The following CTNND2 variants were observed in gnomAD, a reference collection of about 807,000 sequenced individuals.
CTNND2 encodes catenin delta 2, also known as catenin delta-2.
Under a neutral mutation model 144.4 loss-of-function variants are expected in CTNND2, and 22 were observed. The ratio of observed to expected loss-of-function variants is 0.15; its 90% CI spans 0.11 to 0.22. The LOEUF is 0.22. CTNND2 is among the 10% of genes least tolerant of loss of function. The probability of loss-of-function intolerance (pLI) is 1.00; values close to 1 mark genes in which losing one functional copy is unlikely to be tolerated. For missense variants in CTNND2, 1,353 were observed against 1,618.8 expected (o/e 0.84, Z 2.82); for synonymous variants, 751 against 695.6 (o/e 1.08, Z -1.25).
At chr5:11,401,265 T>A (rs539414498) in intron 5 of CTNND2, among the ~76,000 whole-genome samples, 1 of 152,370 alleles carries the variant, frequency 6.6e-6, no homozygotes, top group East Asian at 1.9e-4. Context: ...TTTCCATGAT[T>A]ATGTGCACTT....
intron 2 of CTNND2, among the ~76,000 whole-genome samples, chr5:11,706,282 A>T (rs971932295): frequency 3.3e-5 from 5 of 152,200 alleles, no homozygotes; most frequent in Non-Finnish European, 7.4e-5. Context: ...GTGCTTTTTT[A>T]GGCCAAAGAC....
chr5:11,169,943 C>T (rs1284381380), intron 11 of CTNND2, among the ~76,000 whole-genome samples: 1 of 152,112 alleles, frequency 6.6e-6, no homozygotes, highest in Non-Finnish European at 1.5e-5. Flanking sequence ...AACAAGACCA[C>T]ATTGAAAAAA....
At position 11,581,959 on chromosome 5, in the gene CTNND2, G is replaced by A. The variant is rs143186039; in HGVS notation, c.175-16903C>T. 1.4e-4 allele frequency among the ~76,000 whole-genome samples: 21 copies of A among 152,252 alleles called. No homozygotes were observed. In the East Asian group the frequency reaches 3.7e-3, roughly 27 times the overall value. On this transcript the variant is annotated intron_variant, in intron 2 of 21. Transcript: ENST00000304623. ...CACAAATGTTAGTACAGTAGTATTT[G>A]TATCATGTATAAATAAATGAGCATA...
chr5:11,623,804 G>GTA (rs1229697322), intron 2 of CTNND2, among the ~76,000 whole-genome samples: 2 of 30,638 alleles, frequency 6.5e-5, no homozygotes, highest in Non-Finnish European at 1.2e-4. Context: ...ATATATGTGT[G>GTA]TATGTATATA....
At chr5:11,834,980 A>T (rs1056082331) in intron 1 of CTNND2, among the ~76,000 whole-genome samples, 7 of 151,412 alleles carry the variant, frequency 4.6e-5, no homozygotes, top group Non-Finnish European at 8.8e-5. Flanking sequence ...CTCTACAAAA[A>T]ATACAAAAAT....
At chr5:11,591,454 C>A (rs1779235972) in intron 2 of CTNND2, among the ~76,000 whole-genome samples, 1 of 152,112 alleles carries the variant, frequency 6.6e-6, no homozygotes, top group South Asian at 2.1e-4. Flanking sequence ...CTTTTTTTCT[C>A]TCTTCTGCTT....
chr5:11,345,500 A>G (rs1754680521), intron 9 of CTNND2, among the ~76,000 whole-genome samples: 1 of 152,176 alleles, frequency 6.6e-6, no homozygotes. Context: ...CCAACCCCTC[A>G]ATACAGTACA....
intron 3 of CTNND2, among the ~76,000 whole-genome samples, chr5:11,416,419 C>T (rs1761941670): frequency 6.6e-6 from 1 of 152,166 alleles, no homozygotes; most frequent in Admixed American, 6.5e-5. Context: ...ATTTCTTTGG[C>T]ACAGTTAAAA....
chr5:11,144,558 G>A (rs1460022502), intron 12 of CTNND2, among the ~76,000 whole-genome samples: 1 of 152,160 alleles, frequency 6.6e-6, no homozygotes, highest in East Asian at 1.9e-4. Flanking sequence ...AAGGGTTACT[G>A]TGACCACCAG....
chr5:11,411,686 A>T (rs374077301), intron 4 of CTNND2, 34 bp from the exon 5 acceptor site: 1 of 1,225,390 alleles, frequency 8.2e-7, no homozygotes, highest in Non-Finnish European at 1.2e-6. Context: ...ATGAACAAAC[A>T]CATGGTATAT....
At chr5:11,199,800 A>G (rs563231905) in intron 10 of CTNND2, 139 bp from the exon 11 acceptor site, 1 of 634,174 alleles carries the variant, frequency 1.6e-6, no homozygotes, top group African/African-American at 1.8e-5. Flanking sequence ...GAAACAAGAA[A>G]AAAATAAGTG....
At chr5:11,796,218 T>A (rs949031934) in intron 1 of CTNND2, among the ~76,000 whole-genome samples, 2 of 152,206 alleles carry the variant, frequency 1.3e-5, no homozygotes, top group African/African-American at 4.8e-5. Flanking sequence ...GCATCTGCCA[T>A]GCTAACCCCC....
At chr5:11,813,059 C>T (rs1398056880) in intron 1 of CTNND2, among the ~76,000 whole-genome samples, 2 of 152,180 alleles carry the variant, frequency 1.3e-5, no homozygotes, top group African/African-American at 2.4e-5. Context: ...AAGGACATTT[C>T]AGTCAATGAT....
intron 2 of CTNND2, among the ~76,000 whole-genome samples, chr5:11,634,555 A>T (rs1157833923): frequency 6.6e-6 from 1 of 152,162 alleles, no homozygotes; most frequent in East Asian, 1.9e-4. Context: ...CGGGGTTCTC[A>T]ATAGGTTGCT....
intron 1 of CTNND2, among the ~76,000 whole-genome samples, chr5:11,880,839 T>C (rs528729882): frequency 8.0e-6 from 1 of 124,880 alleles, no homozygotes; most frequent in Non-Finnish European, 1.7e-5. Context: ...CTACTACCAC[T>C]ACTACTACCA....
chr5:11,732,075 C>A, intron 2 of CTNND2, 61 bp downstream of exon 2: 1 of 1,541,606 alleles, frequency 6.5e-7, no homozygotes, highest in Non-Finnish European at 8.9e-7. Flanking sequence ...TAACGTTCAT[C>A]TAGAAAAACA....
intron 2 of CTNND2, among the ~76,000 whole-genome samples, chr5:11,603,862 G>T (rs1340355615): frequency 6.6e-6 from 1 of 152,182 alleles, no homozygotes; most frequent in African/African-American, 2.4e-5. Flanking sequence ...TTTTATTTTG[G>T]AAACACTCCA....
In CTNND2 at chr5:11,640,983, A is replaced by G. The variant is rs573540750; in HGVS notation, c.175-75927T>C. On this transcript the variant is annotated intron_variant, in intron 2 of 21. Transcript: ENST00000304623. ...TATATCGTTCATTCCCCTAACGAAC[A>G]ATATGTTCGTTAATAAAACCCAAAA... Among the ~76,000 whole-genome samples the G allele has an allele frequency of 2.0e-5, 3 of 152,262 alleles. No homozygotes were observed. The South Asian group carries it at 6.2e-4, about 32-fold the overall frequency.
intron 3 of CTNND2, among the ~76,000 whole-genome samples, chr5:11,553,601 G>T (rs1241834360): frequency 6.6e-6 from 1 of 152,018 alleles, no homozygotes; most frequent in African/African-American, 2.4e-5. Flanking sequence ...ATATTTCAAG[G>T]CAAAGCTAGG....
Sources: allele counts gnomAD v4.1 joint callset (sites outside exome capture counted in the v4.1 genomes callset), GRCh38; gene constraint gnomAD v4.1.1; transcripts MANE v1.5; gene names NCBI Gene and HGNC (gene_info 2026-07-23, HGNC 2026-07-21).